The following SNCAIP variants were observed in gnomAD, a reference collection of about 807,000 sequenced individuals.
The protein encoded by SNCAIP is synuclein alpha interacting protein.
In SNCAIP, 43 loss-of-function variants were observed where a neutral mutation model predicts 86.7. The ratio of observed to expected loss-of-function variants is 0.50; its 90% confidence interval spans 0.39 to 0.64. The LOEUF is 0.64. Ranked by LOEUF, SNCAIP falls within the 30% of genes least tolerant of loss-of-function variation. SNCAIP has a pLI of 0.00. For synonymous variants in SNCAIP, 417 were observed against 427.2 expected (o/e 0.98, Z 0.29); for missense variants, 981 against 1,103.1 (o/e 0.89, Z 1.57).
chr5:122,401,758 G>C (rs1426758749), intron 2 of SNCAIP, among the ~76,000 whole-genome samples: 1 of 152,170 alleles, frequency 6.6e-6, no homozygotes, highest in South Asian at 2.1e-4. Flanking sequence ...CTAGGCTAGT[G>C]TCCGCCTGTA....
intron 1 of SNCAIP, among the ~76,000 whole-genome samples, chr5:122,372,015 T>C (rs900536089): frequency 1.6e-4 from 25 of 151,792 alleles, no homozygotes; most frequent in African/African-American, 6.1e-4. Context: ...GGAAAGGGGG[T>C]TAATAGAAAC....
rs114253947 is a variant in SNCAIP at position 122,459,452 on chromosome 5, T to A, written c.2755-4039T>A. On this transcript the variant is annotated intron_variant, in intron 10 of 10. Coordinates refer to ENST00000261368, the MANE Select transcript of SNCAIP (RefSeq NM_005460.4). ...CATATCCAAAAATGAAATAGAGGAG[T>A]AGCAAATTATCTGAATAATTCATGC... 7.8e-3 allele frequency among the ~76,000 whole-genome samples: 1,181 copies of A among 152,166 alleles called. 14 individuals carry two copies. Among genetic ancestry groups the A allele is most frequent in the African/African-American group, 0.027 (1,135 of 41,516 alleles).
chr5:122,445,318 G>C (rs562420678), intron 8 of SNCAIP, among the ~76,000 whole-genome samples: 1 of 152,306 alleles, frequency 6.6e-6, no homozygotes, highest in Admixed American at 6.5e-5. Context: ...ATTACAGTCA[G>C]TTCTTCCCTT....
chr5:122,403,363 C>T (rs1182546154), intron 2 of SNCAIP, among the ~76,000 whole-genome samples: 1 of 152,138 alleles, frequency 6.6e-6, no homozygotes, highest in Non-Finnish European at 1.5e-5. Context: ...CTCCTGACTG[C>T]CCCGGATGCT....
chr5:122,363,788 CTATTTATTTATTTATTTATTTATT>C (rs143825884), intron 1 of SNCAIP, among the ~76,000 whole-genome samples: 4 of 142,842 alleles, frequency 2.8e-5, no homozygotes, highest in Non-Finnish European at 4.6e-5. Flanking sequence ...TTATTGTCAA[CTATTTATTTATTTATTTATTTATT>C]TATTTATTTA....
At chr5:122,418,296 A>G (rs1055786033) in intron 3 of SNCAIP, among the ~76,000 whole-genome samples, 2 of 152,130 alleles carry the variant, frequency 1.3e-5, no homozygotes, top group Non-Finnish European at 2.9e-5. Flanking sequence ...AGTTTCACAA[A>G]CCTAGTAATT....
At chr5:122,419,938 T>C (rs541549403) in intron 3 of SNCAIP, among the ~76,000 whole-genome samples, 6 of 152,176 alleles carry the variant, frequency 3.9e-5, no homozygotes, top group Admixed American at 6.5e-5. Flanking sequence ...TTAGCAGCAA[T>C]AAAGGAATTG....
At chr5:122,427,144 AT>A (rs1777529304) in intron 5 of SNCAIP, among the ~76,000 whole-genome samples, 1 of 152,202 alleles carries the variant, frequency 6.6e-6, no homozygotes, top group African/African-American at 2.4e-5. Context: ...ATGGTAGATT[AT>A]TTATATAGGT....
At chr5:122,336,365 A>G (rs1756462865) in intron 1 of SNCAIP, among the ~76,000 whole-genome samples, 2 of 152,226 alleles carry the variant, frequency 1.3e-5, no homozygotes, top group Non-Finnish European at 2.9e-5. Context: ...GACTTGTCCA[A>G]GATCATACAG....
chr5:122,361,697 T>C (rs1762259146), intron 1 of SNCAIP, among the ~76,000 whole-genome samples: 2 of 151,868 alleles, frequency 1.3e-5, no homozygotes, highest in African/African-American at 2.4e-5. Context: ...GCTCCATCGA[T>C]GCCTTAAAGG....
chr5:122,443,767 G>C, intron 7 of SNCAIP: 1 of 425,880 alleles, frequency 2.3e-6, no homozygotes, highest in South Asian at 1.7e-5. Flanking sequence ...CTGCTTCTTT[G>C]GCTGGCTGTG....
intron 1 of SNCAIP, among the ~76,000 whole-genome samples, chr5:122,366,431 G>T (rs1561590866): frequency 6.6e-6 from 1 of 152,188 alleles, no homozygotes; most frequent in Non-Finnish European, 1.5e-5. Context: ...TCTGCCATTG[G>T]CCAGATTTAC....
intron 10 of SNCAIP, among the ~76,000 whole-genome samples, chr5:122,458,174 C>G (rs2153028681): frequency 6.6e-6 from 1 of 152,288 alleles, no homozygotes; most frequent in African/African-American, 2.4e-5. Flanking sequence ...ATCACTATTC[C>G]AGGGAGGCAG....
intron 3 of SNCAIP, among the ~76,000 whole-genome samples, chr5:122,413,238 A>G (rs1042504179): frequency 2.0e-5 from 3 of 152,256 alleles, no homozygotes; most frequent in Admixed American, 6.5e-5. Context: ...GACATCCCCC[A>G]GCTTCAACTT....
intron 3 of SNCAIP, among the ~76,000 whole-genome samples, chr5:122,414,236 C>CTT (rs58324419): frequency 8.5e-4 from 122 of 143,588 alleles, no homozygotes; most frequent in African/African-American, 2.6e-3. Context: ...ATTATTTTTC[C>CTT]TTTTTTTTTT....
chr5:122,411,858 C>G (rs1774207318), intron 3 of SNCAIP, among the ~76,000 whole-genome samples: 1 of 152,168 alleles, frequency 6.6e-6, no homozygotes, highest in African/African-American at 2.4e-5. Flanking sequence ...CCTGGGCCAC[C>G]TAGATACCAG....
chr5:122,431,192 A>G (rs1778341115), intron 5 of SNCAIP, among the ~76,000 whole-genome samples: 3 of 152,106 alleles, frequency 2.0e-5, no homozygotes, highest in Admixed American at 2.0e-4. Flanking sequence ...TTTGGAAACT[A>G]GTTTGGTGGC....
chr5:122,354,149 G>A (rs988328330), intron 1 of SNCAIP, among the ~76,000 whole-genome samples: 7 of 152,180 alleles, frequency 4.6e-5, no homozygotes, highest in African/African-American at 1.4e-4. Context: ...ACACATTTAC[G>A]TGACCTGTCT....
intron 2 of SNCAIP, among the ~76,000 whole-genome samples, chr5:122,400,261 C>A (rs912613623): frequency 6.6e-6 from 1 of 151,978 alleles, no homozygotes; most frequent in Admixed American, 6.6e-5. Context: ...GGCATATGGT[C>A]TTTGTCCTAT....
Sources: allele counts gnomAD v4.1 joint callset (sites outside exome capture counted in the v4.1 genomes callset), GRCh38; gene constraint gnomAD v4.1.1; transcripts MANE v1.5; gene names NCBI Gene and HGNC (gene_info 2026-07-23, HGNC 2026-07-21).